Variants in SOS1 observed in about 807,000 individuals in gnomAD.
SOS1 encodes SOS Ras/Rac guanine nucleotide exchange factor 1.
Under a neutral mutation model 157.6 loss-of-function variants are expected in SOS1, and 25 were observed. That is an observed-to-expected ratio of 0.16 (90% confidence interval 0.12 to 0.22). The LOEUF is 0.22. Among genes scored for constraint, SOS1 ranks in the 10% least tolerant of loss-of-function variants. SOS1 has a pLI of 1.00. For missense variants in SOS1, 1,237 were observed against 1,599.1 expected, an observed-to-expected ratio of 0.77 and a Z score of 3.86; for synonymous variants, 528 against 534.0, an observed-to-expected ratio of 0.99 and a Z score of 0.16.
Position 39,106,146 on chromosome 2 carries a change from G to C in SOS1, c.87+14190C>G, listed in dbSNP as rs1258109585. Among the ~76,000 whole-genome samples, 3 of 151,200 alleles carry C rather than the reference G, an allele frequency of 2.0e-5. No individual in the cohort carries two copies. In the Admixed American group the frequency reaches 2.0e-4, roughly 10 times the overall value. On this transcript the variant is annotated intron_variant, in intron 1 of 22. Transcript: ENST00000402219. ...GATGTGGGAGGTTCACTTGAGCCTA[G>C]AAGGTGGAGGCTGCAGTGAGCTGAG...
intron 20 of SOS1, among the ~76,000 whole-genome samples, chr2:38,992,122 G>A (rs897362981): frequency 6.6e-6 from 1 of 152,156 alleles, no homozygotes; most frequent in Non-Finnish European, 1.5e-5. Flanking sequence ...ATTCACTCTG[G>A]TGGCAAAACA....
chr2:39,091,310 T>G (rs1367101471), intron 1 of SOS1, among the ~76,000 whole-genome samples: 1 of 152,222 alleles, frequency 6.6e-6, no homozygotes, highest in Admixed American at 6.5e-5. Context: ...GTCTTACCTT[T>G]GTACCCTAGT....
chr2:39,072,526 G>C (rs1230773936), intron 1 of SOS1, among the ~76,000 whole-genome samples: 1 of 152,174 alleles, frequency 6.6e-6, no homozygotes, highest in East Asian at 1.9e-4. Flanking sequence ...ATGTAGAGTT[G>C]TATATAGCCA....
chr2:39,046,529 G>A (rs1250047526), intron 6 of SOS1, among the ~76,000 whole-genome samples: 2 of 129,576 alleles, frequency 1.5e-5, no homozygotes, highest in Non-Finnish European at 3.0e-5. Flanking sequence ...TTTTGAGACG[G>A]AGTCTCGCTC....
chr2:39,102,298 G>A (rs1331722528), intron 1 of SOS1, among the ~76,000 whole-genome samples: 2 of 149,376 alleles, frequency 1.3e-5, no homozygotes, highest in Non-Finnish European at 3.0e-5. Flanking sequence ...TAAGGCAGGA[G>A]GATAGCTTGA....
rs981234810 is a variant in SOS1 at position 39,022,801 on chromosome 2, A to G, written c.1627T>C (p.Ser543Pro). The change falls in exon 10 of 23, where the codon TCT (serine) becomes CCT (proline). Residue 543 changes from serine (S) to proline (P), a missense_variant. By Grantham distance (74) the Ser-to-Pro change is moderately conservative (BLOSUM62 -1). This residue lies in a region of SOS1 where 210 missense variants were observed against 220.2 expected (regional missense o/e 0.95). Transcript: ENST00000402219. ...TCCAGTGTACTCCGGTACTGTAAAG[A>G]TATCAATGCTGCCATCCAATTGTTT... ...EKNNWMAALI[S>P]LQYRSTLERM... 4.3e-6 allele frequency: 7 copies of G among 1,613,528 alleles called. No homozygotes were observed. In the Admixed American group the frequency reaches 5.0e-5, roughly 12 times the overall value.
chr2:39,032,924 C>A (rs1670216025), intron 8 of SOS1, among the ~76,000 whole-genome samples: 1 of 151,932 alleles, frequency 6.6e-6, no homozygotes, highest in African/African-American at 2.4e-5. Context: ...GAGATCATGC[C>A]ACTGCACTCC....
chr2:39,063,803 A>T (rs1671493316), intron 2 of SOS1, among the ~76,000 whole-genome samples: 2 of 152,174 alleles, frequency 1.3e-5, no homozygotes, highest in South Asian at 4.1e-4. Context: ...TTATACTTTA[A>T]AGCAAAGTGT....
At chr2:39,101,725 T>C (rs1380163573) in intron 1 of SOS1, among the ~76,000 whole-genome samples, 1 of 152,152 alleles carries the variant, frequency 6.6e-6, no homozygotes, top group Non-Finnish European at 1.5e-5. Context: ...ATTTTTTGCT[T>C]TTAATTACCA....
intron 1 of SOS1, among the ~76,000 whole-genome samples, chr2:39,109,271 A>C (rs1251374879): frequency 6.6e-6 from 1 of 152,218 alleles, no homozygotes; most frequent in Non-Finnish European, 1.5e-5. Context: ...ATAAGCATAC[A>C]AGGACAGTCT....
intron 2 of SOS1, among the ~76,000 whole-genome samples, chr2:39,066,617 T>A (rs1202554644): frequency 1.3e-5 from 2 of 152,230 alleles, no homozygotes; most frequent in African/African-American, 4.8e-5. Flanking sequence ...ACTCATAGAA[T>A]ATCACATTAT....
chr2:39,107,092 C>A (rs1021528759), intron 1 of SOS1, among the ~76,000 whole-genome samples: 1 of 147,508 alleles, frequency 6.8e-6, no homozygotes, highest in Non-Finnish European at 1.5e-5. Flanking sequence ...TTTTTTTTTT[C>A]TTTTAAATAC....
rs1407088875 is a variant in SOS1, at chr2:38,981,860, T to TTGAC, written c.*3960_*3963dup. On this transcript the variant is annotated 3_prime_UTR_variant, in exon 23 of 23. Transcript: ENST00000402219. Reference sequence around the variant, plus strand: ...CTCAACTAAAATTATACATGTCACTTTGACAAACAAATTCTCTGGTGGTTT... The same window carrying TTGAC: ...CTCAACTAAAATTATACATGTCACTTTGACTGACAAACAAATTCTCTGGTGGTTT... 2 of 152,194 alleles carry TTGAC rather than the reference T, an allele frequency of 1.3e-5. No homozygotes were observed. The highest frequency in any genetic ancestry group is 2.9e-5 in the Non-Finnish European group (2 of 68,028). The allele number at this position is 152,194 out of a possible 1,614,324, so 9.4% of individuals were successfully genotyped here.
At chr2:39,014,995 C>T (rs1669586189) in intron 10 of SOS1, 149 bp from the exon 11 acceptor site, 1 of 611,538 alleles carries the variant, frequency 1.6e-6, no homozygotes, top group Admixed American at 2.8e-5. Context: ...TGGTAATGCA[C>T]TGCTAGCTTA....
At chr2:39,048,783 C>T (rs772458612) in intron 6 of SOS1, among the ~76,000 whole-genome samples, 4 of 152,154 alleles carry the variant, frequency 2.6e-5, no homozygotes, top group African/African-American at 4.8e-5. Context: ...TTGTCCTGAA[C>T]GATATTTGGA....
chr2:39,054,319 A>G (rs1255775058), intron 5 of SOS1, among the ~76,000 whole-genome samples: 1 of 152,208 alleles, frequency 6.6e-6, no homozygotes, highest in Non-Finnish European at 1.5e-5. Flanking sequence ...GAATGATTCA[A>G]ATGACTCAAA....
chr2:39,063,019 T>C (rs1269917494), intron 2 of SOS1, among the ~76,000 whole-genome samples: 1 of 152,160 alleles, frequency 6.6e-6, no homozygotes, highest in African/African-American at 2.4e-5. Context: ...TCCATATCCA[T>C]GGTTCTACAT....
intron 1 of SOS1, among the ~76,000 whole-genome samples, chr2:39,109,538 G>T (rs1673333826): frequency 6.6e-6 from 1 of 152,138 alleles, no homozygotes; most frequent in South Asian, 2.1e-4. Flanking sequence ...AAAAGCTAAG[G>T]TTCAGGACAA....
At chr2:39,104,877 C>T (rs1673105663) in intron 1 of SOS1, among the ~76,000 whole-genome samples, 1 of 151,998 alleles carries the variant, frequency 6.6e-6, no homozygotes. Context: ...TTGGTAGAGA[C>T]AGAAAGTAGA....
Sources: gnomAD v4.1 joint callset for allele counts (sites outside exome capture counted in the v4.1 genomes callset) on GRCh38, gnomAD v4.1.1 for gene constraint, gnomAD v4.1.1 regional missense constraint, MANE v1.5 for transcripts, NCBI Gene and HGNC (gene_info 2026-07-23, HGNC 2026-07-21) for gene names.